Variants in TCF4 observed in about 807,000 individuals in gnomAD.
TCF4 encodes the protein transcription factor 4.
A neutral mutation model predicts 82.1 loss-of-function variants in TCF4; 3 were observed. The observed-to-expected ratio is 0.04, with a 90% CI of 0.02 to 0.09. The LOEUF (loss-of-function observed/expected upper bound fraction) is 0.09, where lower values mean the gene tolerates loss of function less well. Among genes scored for constraint, TCF4 ranks in the 10% least tolerant of loss-of-function variants. The pLI, the probability that TCF4 is intolerant of heterozygous loss-of-function variation, is 1.00. For missense variants in TCF4, 518 were observed against 852.7 expected (o/e 0.61, Z 4.89); for synonymous variants, 276 against 309.6 (o/e 0.89, Z 1.14).
rs1175806431 is a variant in TCF4 at position 55,602,654 on chromosome 18, T to C, written c.287-15518A>G. 2.0e-5 allele frequency among the ~76,000 whole-genome samples: 3 copies of C among 152,212 alleles called. No homozygotes were observed. The East Asian group carries it at 5.8e-4, about 29-fold the overall frequency. The stretch of plus-strand genomic sequence containing the variant: ...ATCCACGGGCCATTACCATCAATAA[T>C]TGAGAACACACACACATGCTAATCA... On this transcript the variant is annotated intron_variant, in intron 2 of 20. Transcript: ENST00000398339.
rs1200109907 is a variant in TCF4, at chr18:55,573,869, A to G, written c.145+11411T>C. On this transcript the variant is annotated intron_variant, in intron 3 of 19. Coordinates refer to ENST00000354452, the MANE Select transcript of TCF4 (RefSeq NM_001083962.2). ...GCTCATCATTTTATATAGAGCTGCC[A>G]AAGTATTACCTGACACATGGTAGAT... is the stretch of plus-strand genomic sequence containing the variant. Among the ~76,000 whole-genome samples, 3 of 152,232 alleles carry G rather than the reference A, an allele frequency of 2.0e-5. No individual in the cohort carries two copies. In the East Asian group the frequency reaches 5.8e-4, roughly 29 times the overall value.
At chr18:55,486,657 G>A (rs1333818322) in intron 3 of TCF4, among the ~76,000 whole-genome samples, 1 of 152,136 alleles carries the variant, frequency 6.6e-6, no homozygotes, top group Non-Finnish European at 1.5e-5. Context: ...AGAGCACAAA[G>A]AAGTGAATTC....
chr18:55,613,433 A>G (rs2147967591), intron 2 of TCF4, among the ~76,000 whole-genome samples: 1 of 152,230 alleles, frequency 6.6e-6, no homozygotes, highest in East Asian at 1.9e-4. Context: ...TTATTTTATG[A>G]TTCATCCATG....
At chr18:55,543,281 C>T (rs1251941708) in intron 3 of TCF4, among the ~76,000 whole-genome samples, 2 of 151,944 alleles carry the variant, frequency 1.3e-5, no homozygotes, top group Non-Finnish European at 2.9e-5. Context: ...TTCTTAGATG[C>T]AAAATGGGGA....
chr18:55,356,484 A>C (rs915557032), intron 6 of TCF4, among the ~76,000 whole-genome samples: 2 of 152,198 alleles, frequency 1.3e-5, no homozygotes, highest in Non-Finnish European at 2.9e-5. Context: ...GGCTCCTTTA[A>C]TTTTGCTTTT....
At chr18:55,571,032 A>T (rs2097460853) in intron 3 of TCF4, among the ~76,000 whole-genome samples, 1 of 152,162 alleles carries the variant, frequency 6.6e-6, no homozygotes, top group Non-Finnish European at 1.5e-5. Flanking sequence ...CTATCCTGCC[A>T]TGCTGGACTT....
At chr18:55,474,139 G>T (rs1353020804) in intron 3 of TCF4, among the ~76,000 whole-genome samples, 1 of 152,168 alleles carries the variant, frequency 6.6e-6, no homozygotes, top group Non-Finnish European at 1.5e-5. Flanking sequence ...TGTATTTGAA[G>T]GGAAGCAGTC....
Position 55,356,266 on chromosome 18 carries a change from A to G in TCF4, c.370-5263T>C, listed in dbSNP as rs555970517. Among the ~76,000 whole-genome samples the G allele has an allele frequency of 2.0e-5, 3 of 152,334 alleles. No individual in the cohort carries two copies. The South Asian group carries it at 6.2e-4, about 32-fold the overall frequency. On this transcript the variant is annotated intron_variant, in intron 6 of 19. Transcript: ENST00000354452. ...AGATTAAAAAGTACAAGCTGTGATA[A>G]TAATTTGGAAAAGTTACTATAAAAA...
chr18:55,362,329 A>C (rs1421064830), intron 6 of TCF4, among the ~76,000 whole-genome samples: 4 of 128,158 alleles, frequency 3.1e-5, no homozygotes, highest in African/African-American at 9.4e-5. Flanking sequence ...AAACAAAAAC[A>C]AAAAAAAAAG....
chr18:55,276,072 T>G (rs1317475094), intron 9 of TCF4, among the ~76,000 whole-genome samples: 2 of 152,196 alleles, frequency 1.3e-5, no homozygotes, highest in African/African-American at 4.8e-5. Context: ...GTCTTCTAAC[T>G]GTTTTTTCTA....
intron 2 of TCF4, among the ~76,000 whole-genome samples, chr18:55,613,679 G>A (rs533599463): frequency 6.6e-5 from 10 of 152,246 alleles, no homozygotes; most frequent in African/African-American, 2.4e-4. Context: ...AAGAGCAAAG[G>A]GGGAAGTGTT....
At chr18:55,450,730 G>A (rs2095607611) in intron 5 of TCF4, among the ~76,000 whole-genome samples, 1 of 152,198 alleles carries the variant, frequency 6.6e-6, no homozygotes, top group African/African-American at 2.4e-5. Flanking sequence ...GAATAGGACT[G>A]TCTCCAAAAC....
chr18:55,265,000 G>A (rs773778475), intron 11 of TCF4: 1 of 152,194 alleles, frequency 6.6e-6, no homozygotes, highest in African/African-American at 2.4e-5. Context: ...GAAGCAGAAA[G>A]AAAGGTTTTG....
intron 11 of TCF4, chr18:55,266,403 C>A (rs1441009573): frequency 6.6e-6 from 1 of 152,210 alleles, no homozygotes; most frequent in African/African-American, 2.4e-5. Context: ...ATGCTGGTAA[C>A]TCCCAAAGAC....
intron 5 of TCF4, among the ~76,000 whole-genome samples, chr18:55,406,730 C>T (rs1212563126): frequency 1.3e-5 from 2 of 152,180 alleles, no homozygotes; most frequent in Admixed American, 1.3e-4. Context: ...CCATTCTTCA[C>T]CACCCGCCTC....
chr18:55,261,069 C>CTTTTTTT (rs78112276), intron 12 of TCF4: 5 of 91,900 alleles, frequency 5.4e-5, no homozygotes, highest in African/African-American at 1.2e-4. Context: ...CAGTTATTGT[C>CTTTTTTT]TTTTTTTTTT....
intron 2 of TCF4, among the ~76,000 whole-genome samples, chr18:55,611,137 C>G (rs1380123352): frequency 6.6e-6 from 1 of 152,148 alleles, no homozygotes; most frequent in Non-Finnish European, 1.5e-5. Flanking sequence ...GGCTGCTGCT[C>G]CAAATCTTGC....
At chr18:55,585,956 T>C in intron 2 of TCF4, 1 of 1,293,556 alleles carries the variant, frequency 7.7e-7, no homozygotes. Flanking sequence ...TCGACGTATC[T>C]AGTGGATAAT....
intron 6 of TCF4, among the ~76,000 whole-genome samples, chr18:55,365,191 A>ATATATATATGTGTGTG (rs1361444592): frequency 6.1e-5 from 6 of 97,938 alleles, no homozygotes; most frequent in African/African-American, 3.0e-4. Context: ...ATATATATAT[A>ATATATATATGTGTGTG]TGTGTGTGTG....
Sources: gnomAD v4.1 joint callset for allele counts (sites outside exome capture counted in the v4.1 genomes callset) on GRCh38, gnomAD v4.1.1 for gene constraint, MANE v1.5 for transcripts, NCBI Gene and HGNC (gene_info 2026-07-23, HGNC 2026-07-21) for gene names.